Variants in ACACA observed in about 807,000 individuals in gnomAD.
ACACA encodes acetyl-CoA carboxylase 1.
In ACACA, 103 loss-of-function variants were observed where a neutral mutation model predicts 296.1. The ratio of observed to expected loss-of-function variants is 0.35; its 90% CI spans 0.30 to 0.41. The LOEUF (loss-of-function observed/expected upper bound fraction) is 0.41, where lower values mean the gene tolerates loss of function less well. Among genes scored for constraint, ACACA ranks in the 10% least tolerant of loss-of-function variants. The pLI, the probability that ACACA is intolerant of heterozygous loss-of-function variation, is 1.00. For synonymous variants in ACACA, 953 were observed against 1,038.6 expected, an observed-to-expected ratio of 0.92 and a Z score of 1.58; for missense variants, 1,554 against 2,989.7, an observed-to-expected ratio of 0.52 and a Z score of 11.20.
chr17:37,310,253 C>T (rs2084067584), intron 3 of ACACA, among the ~76,000 whole-genome samples: 1 of 151,968 alleles, frequency 6.6e-6, no homozygotes, highest in Non-Finnish European at 1.5e-5. Context: ...AAGTACAATT[C>T]CCAGGTTTTT....
chr17:37,362,071 G>A (rs973174060), intron 1 of ACACA, among the ~76,000 whole-genome samples: 8 of 152,132 alleles, frequency 5.3e-5, no homozygotes, highest in African/African-American at 1.7e-4. Context: ...ACGAGGCGAC[G>A]AGGACACAGA....
intron 3 of ACACA, among the ~76,000 whole-genome samples, chr17:37,294,035 T>A: frequency 6.6e-6 from 1 of 151,970 alleles, no homozygotes; most frequent in African/African-American, 2.4e-5. Context: ...TAAACCTAAG[T>A]AACAGCCTTA....
intron 54 of ACACA, among the ~76,000 whole-genome samples, chr17:37,095,420 C>T (rs2072926744): frequency 6.6e-6 from 1 of 152,168 alleles, no homozygotes; most frequent in South Asian, 2.1e-4. Flanking sequence ...AGAAGCTTTT[C>T]AGTCATAAAA....
At chr17:37,289,371 G>T in intron 3 of ACACA, 2 of 1,014,892 alleles carry the variant, frequency 2.0e-6, no homozygotes, top group Non-Finnish European at 2.7e-6. Flanking sequence ...TGTTACTAAT[G>T]GTATTGAAAG....
chr17:37,393,067 G>A (rs746754664), intron 1 of ACACA, among the ~76,000 whole-genome samples: 7 of 150,642 alleles, frequency 4.6e-5, no homozygotes, highest in East Asian at 3.9e-4. Context: ...GCTTGAACCC[G>A]GGAGGTGGAG....
At chr17:37,125,386 G>T (rs1281780221) in intron 48 of ACACA, among the ~76,000 whole-genome samples, 1 of 152,010 alleles carries the variant, frequency 6.6e-6, no homozygotes, top group Non-Finnish European at 1.5e-5. Flanking sequence ...TTTGGGAGAG[G>T]GAAAGTCATT....
rs752525070 is a variant in ACACA, at chr17:37,241,983, T to C, written c.3002A>G (p.Asn1001Ser). ...RKSEREVFFM[N>S]TQSIVQLVQR... ...TACCAGCTGAACAATGCTCTGAGTA[T>C]TCATAAAGAAGACTTCCCGTTCAGA... Residue 1001 changes from asparagine to serine, a missense_variant, in exon 23 of 56, where the codon AAT (asparagine) becomes AGT (serine). Transcript: ENST00000616317. The C allele has an allele frequency of 6.2e-7, 1 of 1,613,886 alleles. No individual in the cohort carries two copies. Among genetic ancestry groups the C allele is most frequent in the South Asian group, 1.1e-5 (1 of 91,070 alleles).
At chr17:37,227,859 CAAA>C (rs60565367) in intron 25 of ACACA, among the ~76,000 whole-genome samples, 4 of 102,780 alleles carry the variant, frequency 3.9e-5, no homozygotes, top group African/African-American at 6.4e-5. Flanking sequence ...GACTCTGTCT[CAAA>C]AAAAAAAAAA....
intron 44 of ACACA, among the ~76,000 whole-genome samples, 192 bp downstream of exon 44, chr17:37,151,109 G>C (rs1224197089): frequency 6.6e-6 from 1 of 151,966 alleles, no homozygotes; most frequent in Non-Finnish European, 1.5e-5. Flanking sequence ...ACAAAGTGCT[G>C]GGTTTGTTTG....
chr17:37,202,033 T>C (rs1421246885), intron 33 of ACACA, among the ~76,000 whole-genome samples: 4 of 152,146 alleles, frequency 2.6e-5, no homozygotes, highest in Non-Finnish European at 5.9e-5. Flanking sequence ...ATTAAAAAAT[T>C]ATTTGTACTG....
At chr17:37,339,503 G>A (rs1265609687) in intron 2 of ACACA, among the ~76,000 whole-genome samples, 3 of 152,170 alleles carry the variant, frequency 2.0e-5, no homozygotes, top group South Asian at 2.1e-4. Context: ...TCCCAGGCAC[G>A]AGCCTACAAA....
At chr17:37,277,008 C>T (rs774589431) in intron 7 of ACACA, 25 bp downstream of exon 7, 33 of 1,596,148 alleles carry the variant, frequency 2.1e-5, no homozygotes, top group South Asian at 2.2e-5. Flanking sequence ...AACAGAAAGA[C>T]GGACAATATG....
At chr17:37,356,600 G>T (rs1013167996) in intron 1 of ACACA, among the ~76,000 whole-genome samples, 1 of 152,112 alleles carries the variant, frequency 6.6e-6, no homozygotes, top group Admixed American at 6.6e-5. Context: ...GGATGGTGTC[G>T]ATCTCCAGAC....
intron 36 of ACACA, among the ~76,000 whole-genome samples, chr17:37,192,609 A>G (rs1251139860): frequency 6.6e-6 from 1 of 152,138 alleles, no homozygotes; most frequent in Non-Finnish European, 1.5e-5. Flanking sequence ...GAACTCCTAC[A>G]ACATTTAATG....
intron 52 of ACACA, among the ~76,000 whole-genome samples, chr17:37,103,600 G>A (rs538413269): frequency 6.6e-6 from 1 of 152,190 alleles, no homozygotes; most frequent in African/African-American, 2.4e-5. Context: ...AAAAAGGTAG[G>A]TGCTCCCATC....
intron 45 of ACACA, among the ~76,000 whole-genome samples, chr17:37,140,415 C>T (rs2075518396): frequency 6.6e-6 from 1 of 151,608 alleles, no homozygotes; most frequent in African/African-American, 2.4e-5. Flanking sequence ...TTAAAAATTC[C>T]CCACCTCCTA....
chr17:37,299,530 C>T (rs761450760), intron 3 of ACACA: 49 of 1,430,616 alleles, frequency 3.4e-5, no homozygotes, highest in Non-Finnish European at 3.8e-5. Context: ...TCCCAATTTC[C>T]TTCTTTCCCC....
At chr17:37,088,878 C>T (rs1220833742) in intron 55 of ACACA, 60 bp downstream of exon 55, 6 of 1,594,340 alleles carry the variant, frequency 3.8e-6, no homozygotes, top group Non-Finnish European at 8.6e-7. Flanking sequence ...TGTTTGGAAA[C>T]TTTTTATTCC....
chr17:37,116,058 C>T (rs2074234964), intron 50 of ACACA, among the ~76,000 whole-genome samples: 1 of 152,070 alleles, frequency 6.6e-6, no homozygotes, highest in Admixed American at 6.6e-5. Flanking sequence ...AGTGGCACGA[C>T]CTCAGCTGAC....
Sources: gnomAD v4.1 joint callset for allele counts (sites outside exome capture counted in the v4.1 genomes callset) on GRCh38, gnomAD v4.1.1 for gene constraint, MANE v1.5 for transcripts, NCBI Gene and HGNC (gene_info 2026-07-23, HGNC 2026-07-21) for gene names.